Variants in WDR19 observed in about 807,000 individuals in gnomAD.
WDR19 encodes the protein WD repeat-containing protein 19.
WDR19 carries 121 observed loss-of-function variants against 180.0 expected under a neutral mutation model. The observed-to-expected ratio is 0.67, with a 90% CI of 0.58 to 0.78. The LOEUF (loss-of-function observed/expected upper bound fraction) is 0.78, where lower values mean the gene tolerates loss of function less well. Among genes scored for constraint, WDR19 ranks in the 30% least tolerant of loss-of-function variants. The pLI, the probability that WDR19 is intolerant of heterozygous loss-of-function variation, is 0.00. For synonymous variants in WDR19, 497 were observed against 540.7 expected (o/e 0.92, Z 1.12); for missense variants, 1,450 against 1,640.7 (o/e 0.88, Z 2.01).
intron 24 of WDR19, among the ~76,000 whole-genome samples, chr4:39,250,710 A>G (rs1015722761): frequency 2.6e-5 from 4 of 152,200 alleles, no homozygotes; most frequent in African/African-American, 9.6e-5. Flanking sequence ...TTATACACCA[A>G]TAACAGACAA....
Position 39,184,278 on chromosome 4 carries a change from C to T in WDR19, c.7-1448C>T, listed in dbSNP as rs1365103833. Reference sequence around the variant, plus strand: ...TTTTAAAATTAGCCGGGCGTGGTAGCGTGTGCCTGTAATCCCAGCTATTCG... The same window carrying T: ...TTTTAAAATTAGCCGGGCGTGGTAGTGTGTGCCTGTAATCCCAGCTATTCG... On this transcript the variant is annotated intron_variant, in intron 1 of 36. Transcript: ENST00000399820. Among the ~76,000 whole-genome samples the T allele has an allele frequency of 2.0e-5, 3 of 151,710 alleles. No homozygotes were observed. The East Asian group carries it at 5.9e-4, about 30-fold the overall frequency.
chr4:39,258,631 G>C lies in WDR19; in HGVS notation c.3183+1077G>C, dbSNP rs139548871. Among the ~76,000 whole-genome samples the C allele has an allele frequency of 2.3e-3, 347 of 152,238 alleles. 1 individual carries two copies. Among genetic ancestry groups the C allele is most frequent in the African/African-American group, 7.7e-3 (319 of 41,530 alleles). The stretch of plus-strand genomic sequence containing the variant: ...GTGAACAAAAACCCTCAGTTTTATT[G>C]GGTATATATCCAGGAGTAGAATTAT... On this transcript the variant is annotated intron_variant, in intron 28 of 36. Transcript: ENST00000399820.
rs1159865202 is a variant in WDR19, at chr4:39,253,185, G to A, written c.2769G>A (p.Gln923=). The change falls in exon 25 of 37, where the codon CAG becomes CAA. Residue 923 remains glutamine (Q), a synonymous_variant. Transcript: ENST00000399820. ...TTGTAGCTTATGAAAATGCAAAACA[G>A]TGGCAAAGTGTAATCCGCATCTATC... ...EAVVAYENAK[Q]WQSVIRIYLD... 1 of 1,611,344 alleles carries A rather than the reference G, an allele frequency of 6.2e-7. No homozygotes were observed. The highest frequency in any genetic ancestry group is 1.1e-5 in the South Asian group (1 of 90,074).
chr4:39,206,299 T>G (rs1013156573), intron 9 of WDR19, among the ~76,000 whole-genome samples: 2 of 152,190 alleles, frequency 1.3e-5, no homozygotes, highest in African/African-American at 4.8e-5. Flanking sequence ...TTTTTTGTTC[T>G]TTGTTCTCTA....
At chr4:39,248,310 G>T (rs183564473) in intron 24 of WDR19, among the ~76,000 whole-genome samples, 51,355 of 151,754 alleles carry the variant, frequency 0.34, 8,837 homozygotes, top group African/African-American at 0.39. Context: ...GCTGAGAGAT[G>T]TTGTCACCAC....
At chr4:39,253,039 T>C (rs1733397581) in intron 24 of WDR19, 107 bp from the exon 25 acceptor site, 4 of 1,090,462 alleles carry the variant, frequency 3.7e-6, no homozygotes, top group Non-Finnish European at 5.1e-6. Context: ...TCAGGAAAAA[T>C]AAGCAGTCAC....
At chr4:39,270,124 G>C (rs763901747) in intron 31 of WDR19, 24 bp downstream of exon 31, 1 of 1,610,312 alleles carries the variant, frequency 6.2e-7, no homozygotes, top group Admixed American at 1.7e-5. Flanking sequence ...AGTGACTTGG[G>C]ACATAACCTG....
intron 19 of WDR19, 62 bp downstream of exon 19, chr4:39,232,334 A>G: frequency 7.2e-6 from 10 of 1,390,980 alleles, no homozygotes; most frequent in Non-Finnish European, 9.9e-6. Context: ...ATGGGGGAAA[A>G]AAAAATGGGG....
chr4:39,224,144 G>T (rs1453964620), intron 14 of WDR19, among the ~76,000 whole-genome samples: 1 of 151,998 alleles, frequency 6.6e-6, no homozygotes, highest in Non-Finnish European at 1.5e-5. Flanking sequence ...CATGTTCATT[G>T]CTAATATACA....
At chr4:39,260,779 A>T (rs907307595) in intron 28 of WDR19, among the ~76,000 whole-genome samples, 1 of 152,200 alleles carries the variant, frequency 6.6e-6, no homozygotes, top group Non-Finnish European at 1.5e-5. Context: ...TGACTTGCAG[A>T]CAGCAGCCTT....
intron 7 of WDR19, among the ~76,000 whole-genome samples, chr4:39,204,208 C>T (rs1472538012): frequency 6.6e-6 from 1 of 152,004 alleles, no homozygotes; most frequent in Non-Finnish European, 1.5e-5. Context: ...GCCTCAGCCT[C>T]CCTAGTAGCT....
At chr4:39,260,896 C>T (rs1357568597) in intron 28 of WDR19, among the ~76,000 whole-genome samples, 1 of 152,186 alleles carries the variant, frequency 6.6e-6, no homozygotes, top group African/African-American at 2.4e-5. Context: ...CCCAGATGCT[C>T]CATTTCCAAG....
At chr4:39,198,024 G>C (rs763627364) in intron 5 of WDR19, among the ~76,000 whole-genome samples, 6 of 151,600 alleles carry the variant, frequency 4.0e-5, no homozygotes, top group Admixed American at 6.6e-5. Flanking sequence ...TTTAATTTTT[G>C]TAGAGATGAA....
At chr4:39,212,537 A>G (rs1318520594) in intron 9 of WDR19, among the ~76,000 whole-genome samples, 2 of 152,240 alleles carry the variant, frequency 1.3e-5, no homozygotes, top group African/African-American at 2.4e-5. Flanking sequence ...CACATCTGTA[A>G]TTCCGGCACT....
In WDR19 at chr4:39,270,048, C is replaced by A; in HGVS notation, c.3431C>A (p.Pro1144His). The A allele has an allele frequency of 6.2e-7, 1 of 1,613,778 alleles. No homozygotes were observed. The highest frequency in any genetic ancestry group is 1.1e-5 in the South Asian group (1 of 91,044). ...AELKSQKIKIPSEMATNLMIL... is the reference protein window; with the variant it reads ...AELKSQKIKIHSEMATNLMIL... ...CTGAAATCCCAGAAGATCAAAATTC[C>A]CTCCGAGATGGCCACCAACCTCATG... The change falls in exon 31 of 37, where the codon CCC (proline) becomes CAC (histidine). Residue 1144 changes from proline to histidine, a missense_variant. Pro to His is a moderately conservative substitution (Grantham distance 77). Transcript: ENST00000399820.
intron 13 of WDR19, among the ~76,000 whole-genome samples, chr4:39,217,604 C>T (rs908377940): frequency 4.6e-5 from 7 of 152,106 alleles, no homozygotes; most frequent in Admixed American, 1.3e-4. Flanking sequence ...GACTCATAAT[C>T]GGGCATTTTG....
intron 36 of WDR19, among the ~76,000 whole-genome samples, chr4:39,281,233 A>G (rs1296431573): frequency 1.7e-5 from 2 of 121,126 alleles, no homozygotes; most frequent in African/African-American, 3.6e-5. Context: ...ATATATATAT[A>G]TATAGAGAGA....
At chr4:39,198,434 G>T (rs1005574583) in intron 5 of WDR19, among the ~76,000 whole-genome samples, 1 of 152,076 alleles carries the variant, frequency 6.6e-6, no homozygotes, top group South Asian at 2.1e-4. Context: ...GGTGGCGGAC[G>T]CCTGTAGTCC....
At chr4:39,183,303 G>A (rs1335684853) in intron 1 of WDR19, among the ~76,000 whole-genome samples, 1 of 126,428 alleles carries the variant, frequency 7.9e-6, no homozygotes, top group Non-Finnish European at 1.6e-5. Context: ...AGGCTGGAGT[G>A]CAGTGGCGCA....
Sources: allele counts gnomAD v4.1 joint callset (sites outside exome capture counted in the v4.1 genomes callset), GRCh38; gene constraint gnomAD v4.1.1; transcripts MANE v1.5; gene names NCBI Gene and HGNC (gene_info 2026-07-23, HGNC 2026-07-21).